The following ENTREP1 variants were observed in gnomAD, a reference collection of about 807,000 sequenced individuals.
The protein encoded by ENTREP1 is Friedreich ataxia region gene X123.
At chr9:69,367,922 T>C in the ENTREP1 span, among the ~76,000 whole-genome samples, 24 of 147,538 alleles carry the variant, frequency 1.6e-4, no homozygotes, top group African/African-American at 3.2e-4. Context: ...CACACACACA[T>C]ATATATACAC....
chr9:69,343,134 T>A, the ENTREP1 span, among the ~76,000 whole-genome samples: 1 of 152,224 alleles, frequency 6.6e-6, no homozygotes, highest in Non-Finnish European at 1.5e-5. Flanking sequence ...GATTCTCAGA[T>A]CAAATTCTGC....
At chr9:69,366,497 A>C in the ENTREP1 span, among the ~76,000 whole-genome samples, 1 of 147,294 alleles carries the variant, frequency 6.8e-6, no homozygotes, top group Non-Finnish European at 1.5e-5. Flanking sequence ...TTGTCTCTTC[A>C]CTCCGTTGAT....
the ENTREP1 span, among the ~76,000 whole-genome samples, chr9:69,344,836 G>C: frequency 2.0e-5 from 3 of 152,132 alleles, no homozygotes; most frequent in Non-Finnish European, 4.4e-5. Context: ...CCAGCTCCCG[G>C]GTTCTTTGGC....
At chr9:69,371,129 A>T in the ENTREP1 span, 2 of 287,616 alleles carry the variant, frequency 7.0e-6, no homozygotes, top group Non-Finnish European at 1.3e-5. Context: ...TATATTCCAG[A>T]GTTCTGTATT....
the ENTREP1 span, among the ~76,000 whole-genome samples, chr9:69,347,248 TAAGGGAGC>T: frequency 6.6e-6 from 1 of 152,168 alleles, no homozygotes; most frequent in Non-Finnish European, 1.5e-5. Flanking sequence ...ATGCTCAGGC[TAAGGGAGC>T]TGGAAGCTCA....
At chr9:69,339,933 G>A in the ENTREP1 span, among the ~76,000 whole-genome samples, 1 of 152,142 alleles carries the variant, frequency 6.6e-6, no homozygotes, top group Non-Finnish European at 1.5e-5. Flanking sequence ...ATTAGCCTAT[G>A]TACCTTACAT....
the ENTREP1 span, among the ~76,000 whole-genome samples, chr9:69,363,060 AG>A: frequency 6.6e-3 from 1,005 of 152,292 alleles, 5 homozygotes; most frequent in African/African-American, 0.023. Context: ...AGTGCCTATG[AG>A]AGCACTAGCT....
chr9:69,350,591 ATTCTTT>A, the ENTREP1 span, among the ~76,000 whole-genome samples: 1 of 152,118 alleles, frequency 6.6e-6, no homozygotes, highest in African/African-American at 2.4e-5. Context: ...GGTCTCATGC[ATTCTTT>A]TTCTTTGAGT....
chr9:69,363,434 A>C, the ENTREP1 span, among the ~76,000 whole-genome samples: 2 of 152,248 alleles, frequency 1.3e-5, no homozygotes, highest in African/African-American at 4.8e-5. Flanking sequence ...AAGTTGTATC[A>C]GTCAAGCTCC....
chr9:69,386,366 T>G, the ENTREP1 span: 1 of 152,684 alleles, frequency 6.5e-6, no homozygotes, highest in African/African-American at 2.4e-5. Context: ...GAGTAGATGA[T>G]TGAATTATTG....
At chr9:69,337,630 TATC>T in the ENTREP1 span, among the ~76,000 whole-genome samples, 1 of 152,300 alleles carries the variant, frequency 6.6e-6, no homozygotes, top group South Asian at 2.1e-4. Flanking sequence ...ACTGTAAACT[TATC>T]ATTCACAGTT....
the ENTREP1 span, chr9:69,325,670 C>T: frequency 8.1e-7 from 1 of 1,231,442 alleles, no homozygotes. Context: ...GGCGCTGTCG[C>T]TGAGCAGCTC....
chr9:69,348,554 C>T, the ENTREP1 span, among the ~76,000 whole-genome samples: 1 of 152,186 alleles, frequency 6.6e-6, no homozygotes, highest in Admixed American at 6.5e-5. Flanking sequence ...GGAATATTTT[C>T]ATCAGCCTCC....
the ENTREP1 span, chr9:69,382,719 G>T: frequency 6.6e-6 from 1 of 152,156 alleles, no homozygotes; most frequent in African/African-American, 2.4e-5. Flanking sequence ...TAGCCACAAA[G>T]AATAAAATGA....
At chr9:69,390,946 A>AT in the ENTREP1 span, among the ~76,000 whole-genome samples, 97 of 133,630 alleles carry the variant, frequency 7.3e-4, no homozygotes, top group African/African-American at 1.2e-3. Context: ...CAGCTAATTA[A>AT]TTTTTTTTTT....
the ENTREP1 span, among the ~76,000 whole-genome samples, chr9:69,369,110 T>A: frequency 1.3e-5 from 2 of 152,180 alleles, no homozygotes; most frequent in Non-Finnish European, 2.9e-5. Flanking sequence ...GTTAGTTTGC[T>A]GAGAATGATG....
chr9:69,373,655 C>A, the ENTREP1 span, among the ~76,000 whole-genome samples: 1 of 152,098 alleles, frequency 6.6e-6, no homozygotes, highest in Admixed American at 6.5e-5. Flanking sequence ...ACAGTGCTGC[C>A]ATTAATATCA....
chr9:69,383,828 C>T, the ENTREP1 span: 1 of 1,599,108 alleles, frequency 6.3e-7, no homozygotes, highest in Non-Finnish European at 8.6e-7. Flanking sequence ...GCCCCACCCC[C>T]TGCCCCCAGA....
chr9:69,332,540 A>G, the ENTREP1 span, among the ~76,000 whole-genome samples: 5 of 152,324 alleles, frequency 3.3e-5, no homozygotes, highest in Admixed American at 2.0e-4. Flanking sequence ...GATCTTTGTC[A>G]TATACATTTT....
Sources: allele counts gnomAD v4.1 joint callset (sites outside exome capture counted in the v4.1 genomes callset), GRCh38; gene constraint gnomAD v4.1.1; transcripts MANE v1.5; gene names NCBI Gene and HGNC (gene_info 2026-07-23, HGNC 2026-07-21).